Variants in DPP10 observed in about 807,000 individuals in gnomAD.
DPP10 encodes inactive dipeptidyl peptidase 10.
In DPP10, 33 loss-of-function variants were observed where a neutral mutation model predicts 120.9. That is an observed-to-expected ratio of 0.27 (90% CI 0.21 to 0.37). The LOEUF is 0.37. Among genes scored for constraint, DPP10 ranks in the 10% least tolerant of loss-of-function variants. The probability of loss-of-function intolerance (pLI) is 1.00; values close to 1 mark genes in which losing one functional copy is unlikely to be tolerated. For missense variants in DPP10, 816 were observed against 942.8 expected (o/e 0.87, Z 1.76); for synonymous variants, 337 against 326.1 (o/e 1.03, Z -0.36).
At chr2:115,353,794 T>C (rs2064188175) in intron 3 of DPP10, among the ~76,000 whole-genome samples, 1 of 152,174 alleles carries the variant, frequency 6.6e-6, no homozygotes, top group Non-Finnish European at 1.5e-5. Flanking sequence ...CAGTAATAAG[T>C]TCTGGCTAGA....
chr2:114,916,339 C>A (rs1429627191), intron 1 of DPP10, among the ~76,000 whole-genome samples: 3 of 152,102 alleles, frequency 2.0e-5, no homozygotes, highest in Admixed American at 6.5e-5. Context: ...AATAAAAAAT[C>A]TAACCAGAAA....
chr2:114,751,549 C>T (rs1395814568), intron 1 of DPP10, among the ~76,000 whole-genome samples: 1 of 152,130 alleles, frequency 6.6e-6, no homozygotes, highest in Non-Finnish European at 1.5e-5. Flanking sequence ...AGGTTGCTAG[C>T]GAAGCTACAT....
intron 4 of DPP10, among the ~76,000 whole-genome samples, chr2:115,511,609 TGTTA>T (rs1208887137): frequency 6.6e-6 from 1 of 151,752 alleles, no homozygotes; most frequent in African/African-American, 2.4e-5. Context: ...TGCTTGCTTG[TGTTA>T]GTTTCCTTGT....
chr2:115,210,535 G>C (rs1467711498), intron 1 of DPP10, among the ~76,000 whole-genome samples: 2 of 152,136 alleles, frequency 1.3e-5, no homozygotes, highest in Non-Finnish European at 2.9e-5. Context: ...TGTATACCTA[G>C]TAAGGGGATG....
intron 1 of DPP10, among the ~76,000 whole-genome samples, chr2:114,767,450 A>C (rs1331584045): frequency 1.3e-5 from 2 of 152,068 alleles, no homozygotes; most frequent in African/African-American, 2.4e-5. Context: ...AAAAATGATG[A>C]ATGATATGAA....
intron 21 of DPP10, among the ~76,000 whole-genome samples, chr2:115,834,350 A>G (rs1689230559): frequency 1.3e-5 from 2 of 152,338 alleles, no homozygotes; most frequent in South Asian, 4.1e-4. Context: ...AGTAGACTTC[A>G]TCATGAACAA....
At chr2:114,846,390 GA>G (rs1189739680) in intron 1 of DPP10, among the ~76,000 whole-genome samples, 1 of 152,104 alleles carries the variant, frequency 6.6e-6, no homozygotes, top group African/African-American at 2.4e-5. Context: ...TAAAGTGTCA[GA>G]AATATGGATC....
chr2:115,149,680 T>C (rs1301121069), intron 1 of DPP10, among the ~76,000 whole-genome samples: 1 of 152,188 alleles, frequency 6.6e-6, no homozygotes, highest in Admixed American at 6.5e-5. Flanking sequence ...TAAGAAATTC[T>C]GTTTTGTTTG....
intron 1 of DPP10, among the ~76,000 whole-genome samples, chr2:115,156,293 G>T (rs534132620): frequency 1.5e-4 from 23 of 152,276 alleles, no homozygotes; most frequent in African/African-American, 5.5e-4. Context: ...AATAGTGGAA[G>T]AAAAATCCCC....
chr2:114,543,450 T>C (rs1372333354), intron 1 of DPP10, among the ~76,000 whole-genome samples: 1 of 152,246 alleles, frequency 6.6e-6, no homozygotes, highest in Non-Finnish European at 1.5e-5. Context: ...CTGAGTCTGT[T>C]CATTCCTTCT....
intron 1 of DPP10, among the ~76,000 whole-genome samples, chr2:115,253,524 C>T (rs1207153073): frequency 3.3e-5 from 5 of 152,194 alleles, no homozygotes; most frequent in African/African-American, 1.2e-4. Context: ...AATTTATTTA[C>T]TTCCAAGATG....
rs1306949690 is a variant in DPP10, at chr2:115,006,705, C to A, written c.61-302534C>A. The stretch of plus-strand genomic sequence containing the variant: ...TATATGCACCCAATACAGGAGCACC[C>A]AGATTCATAAAGCAAGTCCTGAGTG... On this transcript the variant is annotated intron_variant, in intron 1 of 25. Coordinates refer to ENST00000410059, the MANE Select transcript of DPP10 (RefSeq NM_020868.6). Among the ~76,000 whole-genome samples, 6 of 151,686 alleles carry A rather than the reference C, an allele frequency of 4.0e-5. No individual in the cohort carries two copies. In the South Asian group the frequency reaches 8.4e-4, roughly 21 times the overall value.
chr2:115,193,269 A>G lies in DPP10; in HGVS notation c.61-115970A>G, dbSNP rs1352333335. Among the ~76,000 whole-genome samples the G allele has an allele frequency of 3.9e-5, 6 of 152,336 alleles. No individual in the cohort carries two copies. In the East Asian group the frequency reaches 1.2e-3, roughly 29 times the overall value. ...CAACCAGTTAATTTACTTTCGGACA[A>G]GAATTTACCATGTAAGATTCTTTTT... On this transcript the variant is annotated intron_variant, in intron 1 of 25. Transcript: ENST00000410059.
intron 7 of DPP10, among the ~76,000 whole-genome samples, chr2:115,724,279 C>CA (rs1385956391): frequency 6.6e-6 from 1 of 152,192 alleles, no homozygotes; most frequent in East Asian, 1.9e-4. Context: ...AATGGCTCTT[C>CA]ACCCAGAAAT....
intron 1 of DPP10, among the ~76,000 whole-genome samples, chr2:114,700,278 CA>C (rs1436843072): frequency 6.6e-6 from 1 of 152,054 alleles, no homozygotes; most frequent in Non-Finnish European, 1.5e-5. Context: ...GCCCCTGTCC[CA>C]ATGGCTGTAT....
chr2:115,610,762 A>G (rs2084042704), intron 5 of DPP10, among the ~76,000 whole-genome samples: 2 of 152,194 alleles, frequency 1.3e-5, no homozygotes, highest in South Asian at 2.1e-4. Flanking sequence ...AATTCTATAT[A>G]TCTGCTCTCC....
chr2:115,781,098 A>G, intron 16 of DPP10, 103 bp downstream of exon 16: 1 of 984,370 alleles, frequency 1.0e-6, no homozygotes, highest in Non-Finnish European at 1.4e-6. Flanking sequence ...TCATAATCTT[A>G]ATTTATAAAT....
chr2:114,469,525 T>C (rs1679724995), intron 1 of DPP10, among the ~76,000 whole-genome samples: 1 of 151,944 alleles, frequency 6.6e-6, no homozygotes, highest in Admixed American at 6.6e-5. Context: ...TACAGGAGTT[T>C]CAGACCAGGT....
chr2:114,762,661 G>C (rs1254643502), intron 1 of DPP10, among the ~76,000 whole-genome samples: 5 of 152,128 alleles, frequency 3.3e-5, no homozygotes, highest in Non-Finnish European at 4.4e-5. Flanking sequence ...CCAATAACCA[G>C]ACAGACAAAT....
Sources: allele counts gnomAD v4.1 joint callset (sites outside exome capture counted in the v4.1 genomes callset), GRCh38; gene constraint gnomAD v4.1.1; transcripts MANE v1.5; gene names NCBI Gene and HGNC (gene_info 2026-07-23, HGNC 2026-07-21).